The following TVP23A variants were observed in gnomAD, a reference collection of about 807,000 sequenced individuals.
The protein encoded by TVP23A is trans-golgi network vesicle protein 23 homolog A, also known as Golgi apparatus membrane protein TVP23 homolog A.
TVP23A carries 21 observed loss-of-function variants against 31.7 expected under a neutral mutation model. The observed-to-expected ratio is 0.66, with a 90% confidence interval of 0.47 to 0.95. The LOEUF (loss-of-function observed/expected upper bound fraction) is 0.95, where lower values mean the gene tolerates loss of function less well. Among genes scored for constraint, TVP23A ranks in the 40% least tolerant of loss-of-function variants. TVP23A has a pLI of 0.00. For synonymous variants in TVP23A, 104 were observed against 96.0 expected, an observed-to-expected ratio of 1.08 and a Z score of -0.49; for missense variants, 279 against 255.6, an observed-to-expected ratio of 1.09 and a Z score of -0.62.
At chr16:10,765,600 C>G (rs1355477742), downstream of TVP23A, among the ~76,000 whole-genome samples, 1 of 152,222 alleles carries the variant, frequency 6.6e-6, no homozygotes, top group Admixed American at 6.5e-5. This position sits in a 1 kb window ranked among gnomAD's most constrained non-coding sequence, Gnocchi z 4.0. Flanking sequence ...TCTGACAGAT[C>G]AGGAAGTGAC....
chr16:10,813,922 C>A (rs1312791333), intron 2 of TVP23A, among the ~76,000 whole-genome samples: 3 of 145,774 alleles, frequency 2.1e-5, no homozygotes, highest in African/African-American at 7.6e-5. Flanking sequence ...TCACTTGAAC[C>A]CGGGAGGCAG....
rs867178103 is a variant in TVP23A at position 10,779,980 on chromosome 16, C to T, written c.90-4884G>A. ...GTGCACGCCTATAATTCCAGCTACTCGGGAGGCTGAGGCAGGGGAATTGCT... is the reference window on the plus strand; with the variant it reads ...GTGCACGCCTATAATTCCAGCTACTTGGGAGGCTGAGGCAGGGGAATTGCT... On this transcript the variant is annotated intron_variant, in intron 2 of 7. Transcript: ENST00000299866. The surrounding 1 kb of genome is among the most constrained non-coding windows in gnomAD (Gnocchi z 4.9). Among the ~76,000 whole-genome samples, 5 of 151,878 alleles carry T rather than the reference C, an allele frequency of 3.3e-5. No individual in the cohort carries two copies. The highest frequency in any genetic ancestry group is 4.8e-5 in the African/African-American group (2 of 41,344).
intron 6 of TVP23A, among the ~76,000 whole-genome samples, chr16:10,770,637 C>T (rs1484399003): frequency 1.3e-5 from 2 of 151,354 alleles, no homozygotes; most frequent in African/African-American, 4.8e-5. Flanking sequence ...CTTTGGGAGG[C>T]CAAGGCTGGT....
At chr16:10,809,404 G>A (rs1287200095) in intron 2 of TVP23A, among the ~76,000 whole-genome samples, 1 of 152,202 alleles carries the variant, frequency 6.6e-6, no homozygotes, top group Admixed American at 6.5e-5. Context: ...TGCACTGGAG[G>A]GACTGAGTTG....
intron 7 of TVP23A, 176 bp from the exon 8 acceptor site, chr16:10,769,277 A>G (rs2031353452): frequency 1.2e-5 from 7 of 588,466 alleles, no homozygotes; most frequent in Non-Finnish European, 2.1e-5. Context: ...GTATTTGTAC[A>G]CTTTTCTTTA....
intron 2 of TVP23A, among the ~76,000 whole-genome samples, chr16:10,789,588 G>C (rs1480991698): frequency 6.6e-6 from 1 of 151,274 alleles, no homozygotes; most frequent in South Asian, 2.1e-4. Context: ...CAGCACTTTG[G>C]GAGGCTGAGG....
intron 2 of TVP23A, among the ~76,000 whole-genome samples, chr16:10,784,847 T>C (rs555865155): frequency 1.5e-3 from 223 of 152,228 alleles, no homozygotes; most frequent in African/African-American, 5.1e-3. Context: ...ACACCTATAA[T>C]CCCAGCACTT....
chr16:10,772,844 T>C (rs1313801505), intron 5 of TVP23A, among the ~76,000 whole-genome samples: 1 of 152,222 alleles, frequency 6.6e-6, no homozygotes, highest in Non-Finnish European at 1.5e-5. Flanking sequence ...GCTGTACAAC[T>C]CTGTGACTGC....
chr16:10,815,942 A>G (rs74007558), intron 2 of TVP23A, among the ~76,000 whole-genome samples: 177 of 148,476 alleles, frequency 1.2e-3, no homozygotes, highest in African/African-American at 4.3e-3. Flanking sequence ...CAGGTCCTGG[A>G]TGGGTGCAGT....
chr16:10,813,998 TCAAAAAAAAAAAAAA>T lies in TVP23A; in HGVS notation c.89+4090_89+4104del, dbSNP rs1164827174. ...TGGGCAAAAAGAGTGAAACTCCATCTCAAAAAAAAAAAAAAAAAAAAAAAAAAAAAAATTCCCTTT... is the reference window on the plus strand; with the variant it reads ...TGGGCAAAAAGAGTGAAACTCCATCTAAAAAAAAAAAAAAAAATTCCCTTT... On this transcript the variant is annotated intron_variant, in intron 2 of 7. Transcript: ENST00000299866. Among the ~76,000 whole-genome samples the T allele has an allele frequency of 3.1e-4, 5 of 16,066 alleles. No homozygotes were observed. In the East Asian group the frequency reaches 7.4e-3, roughly 24 times the overall value. 10.5% of individuals were successfully genotyped at this position (16,066 alleles called of 152,430 possible). A position where few individuals can be genotyped will look rare whatever the true frequency, so the allele number is the denominator to read the frequency against.
At chr16:10,771,485 C>T (rs1207753632) in intron 6 of TVP23A, among the ~76,000 whole-genome samples, 185 bp downstream of exon 6, 1 of 152,110 alleles carries the variant, frequency 6.6e-6, no homozygotes, top group Non-Finnish European at 1.5e-5. Context: ...CAATAGGCCG[C>T]GATCACACCA....
At position 10,777,965 on chromosome 16, in the gene TVP23A, C is replaced by T. The variant is rs964350721; in HGVS notation, c.90-2869G>A. ...GGCGGAGGTTGCAGTGAGTTGAGATCGTACTACTGCACTCCAGCCTGGTGA... is the reference window on the plus strand; with the variant it reads ...GGCGGAGGTTGCAGTGAGTTGAGATTGTACTACTGCACTCCAGCCTGGTGA... On this transcript the variant is annotated intron_variant, in intron 2 of 7. Transcript: ENST00000299866. The surrounding 1 kb of genome is among the most constrained non-coding windows in gnomAD (Gnocchi z 4.5). 3.4e-5 allele frequency among the ~76,000 whole-genome samples: 5 copies of T among 147,610 alleles called. No individual in the cohort carries two copies. The highest frequency in any genetic ancestry group is 1.4e-4 in the Admixed American group (2 of 14,796).
chr16:10,764,095 T>C (rs894985472), downstream of TVP23A, among the ~76,000 whole-genome samples: 2 of 151,838 alleles, frequency 1.3e-5, no homozygotes, highest in African/African-American at 4.9e-5. Flanking sequence ...CAAGGGAGTA[T>C]CTCAGCCCAC....
intron 2 of TVP23A, among the ~76,000 whole-genome samples, chr16:10,783,121 A>G (rs1307580675): frequency 2.0e-5 from 3 of 152,156 alleles, no homozygotes; most frequent in African/African-American, 7.2e-5. Flanking sequence ...AGACTTCTGG[A>G]TGCTGGGATG....
chr16:10,803,014 T>G (rs1278500871), intron 2 of TVP23A, among the ~76,000 whole-genome samples: 1 of 152,196 alleles, frequency 6.6e-6, no homozygotes, highest in Non-Finnish European at 1.5e-5. Flanking sequence ...CTGGACGCAG[T>G]GGCTCATGCC....
At chr16:10,814,983 A>T (rs2034372150) in intron 2 of TVP23A, among the ~76,000 whole-genome samples, 1 of 152,134 alleles carries the variant, frequency 6.6e-6, no homozygotes, top group Admixed American at 6.6e-5. Flanking sequence ...CCCATGGTAT[A>T]TCTACCCTTC....
chr16:10,810,164 G>C (rs1314173334), intron 2 of TVP23A, among the ~76,000 whole-genome samples: 2 of 152,060 alleles, frequency 1.3e-5, no homozygotes, highest in African/African-American at 4.8e-5. Flanking sequence ...GTGTCACCTA[G>C]ACTGGGCTAA....
At position 10,767,857 on chromosome 16, in the gene TVP23A, C is replaced by G; in HGVS notation, c.*1245G>C. 8.5e-7 allele frequency: 1 copy of G among 1,173,880 alleles called. No homozygotes were observed. The highest frequency in any genetic ancestry group is 1.3e-6 in the Non-Finnish European group (1 of 785,596). 72.7% of individuals were successfully genotyped at this position (1,173,880 alleles called of 1,614,324 possible). On this transcript the variant is annotated 3_prime_UTR_variant, in exon 8 of 8. Transcript: ENST00000299866. This position sits in a 1 kb window ranked among gnomAD's most constrained non-coding sequence, Gnocchi z 4.6. ...GAGTGAAGCGGGCTCAAGATCTTCC[C>G]ATTGTCACCAGCACGGAAAGAGCCC...
intron 2 of TVP23A, among the ~76,000 whole-genome samples, chr16:10,815,972 A>G (rs2034418110): frequency 6.6e-6 from 1 of 152,168 alleles, no homozygotes; most frequent in Non-Finnish European, 1.5e-5. Flanking sequence ...CTGTAATCCC[A>G]AGGCTTTAAG....
Sources: allele counts gnomAD v4.1 joint callset (sites outside exome capture counted in the v4.1 genomes callset), GRCh38; gene constraint gnomAD v4.1.1; non-coding constraint Gnocchi (gnomAD v3.1); transcripts MANE v1.5; gene names NCBI Gene and HGNC (gene_info 2026-07-23, HGNC 2026-07-21).